OSBPL3: variants seen among roughly 807,000 people sequenced by gnomAD.
OSBPL3 encodes the protein oxysterol binding protein like 3.
Under a neutral mutation model 120.1 loss-of-function variants are expected in OSBPL3, and 65 were observed. That is an observed-to-expected ratio of 0.54 (90% CI 0.44 to 0.67). The LOEUF is 0.67. OSBPL3 is among the 30% of genes least tolerant of loss of function. OSBPL3 has a pLI of 0.00. For synonymous variants in OSBPL3, 416 were observed against 402.6 expected (o/e 1.03, Z -0.40); for missense variants, 1,004 against 1,082.1 (o/e 0.93, Z 1.01).
chr7:24,965,028 A>G lies in OSBPL3; in HGVS notation c.-150+14858T>C, dbSNP rs180880229. Among the ~76,000 whole-genome samples, 5 of 152,302 alleles carry G rather than the reference A, an allele frequency of 3.3e-5. No homozygotes were observed. The highest frequency in any genetic ancestry group is 1.9e-4 in the East Asian group (1 of 5,190). ...GCTTTTCTTATTATTTGTAATTGAG[A>G]CTACTGGGCCACTAAAGTGCATGAG... On this transcript the variant is annotated intron_variant, in intron 1 of 22. Transcript: ENST00000313367. This position sits in a 1 kb window ranked among gnomAD's most constrained non-coding sequence, Gnocchi z 4.3.
At chr7:24,870,982 G>A in intron 4 of OSBPL3, 137 bp from the exon 5 acceptor site, 1 of 659,342 alleles carries the variant, frequency 1.5e-6, no homozygotes. Context: ...GTGAGCCAGT[G>A]CTGAGTTACG....
Position 24,939,708 on chromosome 7 carries a change from CA to C in OSBPL3, c.-150+40177del, listed in dbSNP as rs1441753645. Among the ~76,000 whole-genome samples, 1 of 152,080 alleles carries C rather than the reference CA, an allele frequency of 6.6e-6. No homozygotes were observed. The highest frequency in any genetic ancestry group is 1.5e-5 in the Non-Finnish European group (1 of 68,034). On this transcript the variant is annotated intron_variant, in intron 1 of 22. Coordinates refer to ENST00000313367, the MANE Select transcript of OSBPL3 (RefSeq NM_015550.4). This position sits in a 1 kb window ranked among gnomAD's most constrained non-coding sequence, Gnocchi z 4.2. Reference sequence around the variant, plus strand: ...AAATCACCCTAATAGTCAACAGTATCAAACATTAACAGGCCAAAATGTCATC... The same window carrying C: ...AAATCACCCTAATAGTCAACAGTATCAACATTAACAGGCCAAAATGTCATC...
intron 7 of OSBPL3, among the ~76,000 whole-genome samples, chr7:24,864,223 T>C (rs778705080): frequency 6.6e-6 from 1 of 152,186 alleles, no homozygotes; most frequent in Non-Finnish European, 1.5e-5. Context: ...ACTCAAAAGA[T>C]AGTCCATATT....
intron 2 of OSBPL3, among the ~76,000 whole-genome samples, chr7:24,880,430 C>T (rs1017934934): frequency 6.6e-6 from 1 of 152,080 alleles, no homozygotes; most frequent in African/African-American, 2.4e-5. Flanking sequence ...CCTACTCTCT[C>T]CCCCAGCGGA....
At chr7:24,924,920 T>C (rs1562975537) in intron 1 of OSBPL3, among the ~76,000 whole-genome samples, 1 of 152,224 alleles carries the variant, frequency 6.6e-6, no homozygotes, top group Non-Finnish European at 1.5e-5. Flanking sequence ...GAGTCAACTA[T>C]ATATAGCTGT....
rs371177978 is a variant in OSBPL3 at position 24,965,409 on chromosome 7, G to T, written c.-150+14477C>A. 1.1e-4 allele frequency among the ~76,000 whole-genome samples: 17 copies of T among 152,174 alleles called. No homozygotes were observed. Among genetic ancestry groups the T allele is most frequent in the African/African-American group, 3.4e-4 (14 of 41,448 alleles). ...CTACCTCACAGGGTTATTTTGTTGT[G>T]AGAAGAAACATATATTAAAGTGATT... On this transcript the variant is annotated intron_variant, in intron 1 of 22. Coordinates refer to ENST00000313367, the MANE Select transcript of OSBPL3 (RefSeq NM_015550.4). The surrounding 1 kb of genome is among the most constrained non-coding windows in gnomAD (Gnocchi z 4.3).
chr7:24,971,228 C>G (rs573253114), intron 1 of OSBPL3, among the ~76,000 whole-genome samples: 3 of 152,364 alleles, frequency 2.0e-5, no homozygotes, highest in African/African-American at 7.2e-5. Context: ...GACTGTACCC[C>G]AGTTCTGCCA....
chr7:24,889,981 C>T (rs1318812620), intron 2 of OSBPL3, among the ~76,000 whole-genome samples: 1 of 152,086 alleles, frequency 6.6e-6, no homozygotes, highest in Non-Finnish European at 1.5e-5. Context: ...GCACTGGGGT[C>T]CTGGGAGGTA....
Position 24,871,963 on chromosome 7 carries a change from C to T in OSBPL3, c.203G>A (p.Gly68Asp), listed in dbSNP as rs1802181144. 4 of 1,612,232 alleles carry T rather than the reference C, an allele frequency of 2.5e-6. No homozygotes were observed. The highest frequency in any genetic ancestry group is 3.4e-6 in the Non-Finnish European group (4 of 1,178,664). The change falls in exon 3 of 23, where the codon GGC (glycine) becomes GAC (aspartate). Residue 68 changes from glycine (G) to aspartate (D), a missense_variant. This residue lies in a region of OSBPL3 where 255 missense variants were observed against 248.7 expected (regional missense o/e 1.03). Coordinates refer to ENST00000313367, the MANE Select transcript of OSBPL3 (RefSeq NM_015550.4). This position sits in a 1 kb window ranked among gnomAD's most constrained non-coding sequence, Gnocchi z 4.8. ...LLKKRKWPLK[G>D]WHKRFFYLDK... ...CAAGACCAACCTTACCTTATGCCAG[C>T]CTTTTAAGGGCCACTTCCTCTTTTT...
Position 24,804,917 on chromosome 7 carries a change from T to G in OSBPL3, c.2445-480A>C, listed in dbSNP as rs1015209821. On this transcript the variant is annotated intron_variant, in intron 21 of 22. Transcript: ENST00000313367. The surrounding 1 kb of genome is among the most constrained non-coding windows in gnomAD (Gnocchi z 5.4). Reference sequence around the variant, plus strand: ...TATCTTACAGATCTTTCCATGGATGTACATACATCTTCATTTTTTAATAGC... The same window carrying G: ...TATCTTACAGATCTTTCCATGGATGGACATACATCTTCATTTTTTAATAGC... 6.6e-6 allele frequency among the ~76,000 whole-genome samples: 1 copy of G among 152,234 alleles called. No individual in the cohort carries two copies. The highest frequency in any genetic ancestry group is 2.4e-5 in the African/African-American group (1 of 41,466).
At chr7:24,859,990 C>T (rs746479277) in intron 10 of OSBPL3, among the ~76,000 whole-genome samples, 1 of 152,062 alleles carries the variant, frequency 6.6e-6, no homozygotes, top group African/African-American at 2.4e-5. Flanking sequence ...ATACCCTATA[C>T]CCAGTTTCTC....
intron 1 of OSBPL3, among the ~76,000 whole-genome samples, chr7:24,973,386 C>T (rs1318473106): frequency 6.6e-6 from 1 of 152,162 alleles, no homozygotes; most frequent in Middle Eastern, 3.2e-3. Context: ...GAATCATATT[C>T]CACTCATACT....
chr7:24,937,653 T>C lies in OSBPL3; in HGVS notation c.-150+42233A>G, dbSNP rs1402419439. Among the ~76,000 whole-genome samples the C allele has an allele frequency of 6.6e-6, 1 of 152,182 alleles. No homozygotes were observed. Among genetic ancestry groups the C allele is most frequent in the South Asian group, 2.1e-4 (1 of 4,820 alleles). ...TGCCACACTTTTACATATCTGGAAA[T>C]AGAACTGGAGGTTTATGGTGCTATC... On this transcript the variant is annotated intron_variant, in intron 1 of 22. Transcript: ENST00000313367. The surrounding 1 kb of genome is among the most constrained non-coding windows in gnomAD (Gnocchi z 4.0).
At chr7:24,943,367 T>C (rs1813319756) in intron 1 of OSBPL3, among the ~76,000 whole-genome samples, 1 of 152,220 alleles carries the variant, frequency 6.6e-6, no homozygotes, top group Non-Finnish European at 1.5e-5. Flanking sequence ...CATATGTGCT[T>C]GTACCTTAAA....
intron 1 of OSBPL3, among the ~76,000 whole-genome samples, chr7:24,895,371 G>A (rs977057183): frequency 6.6e-6 from 1 of 152,174 alleles, no homozygotes; most frequent in Admixed American, 6.5e-5. Context: ...CAGGTTTGTA[G>A]CCTGGGAGCA....
intron 1 of OSBPL3, among the ~76,000 whole-genome samples, chr7:24,925,842 T>C (rs1217564923): frequency 6.6e-6 from 1 of 152,210 alleles, no homozygotes; most frequent in Non-Finnish European, 1.5e-5. Flanking sequence ...GCTTTATTTA[T>C]TTCACCCAGA....
In OSBPL3 at chr7:24,966,493, G is replaced by A. The variant is rs771026264; in HGVS notation, c.-150+13393C>T. ...AAGCTGGAATGTTATTTTGCCCCAC[G>A]CGATCAAAGACTAGAAAAACAGGAA... On this transcript the variant is annotated intron_variant, in intron 1 of 22. Coordinates refer to ENST00000313367, the MANE Select transcript of OSBPL3 (RefSeq NM_015550.4). This position sits in a 1 kb window ranked among gnomAD's most constrained non-coding sequence, Gnocchi z 4.8. Among the ~76,000 whole-genome samples the A allele has an allele frequency of 5.3e-5, 8 of 152,156 alleles. No individual in the cohort carries two copies. Among genetic ancestry groups the A allele is most frequent in the African/African-American group, 9.7e-5 (4 of 41,438 alleles).
At chr7:24,893,368 A>G (rs1484207107) in intron 1 of OSBPL3, among the ~76,000 whole-genome samples, 2 of 152,246 alleles carry the variant, frequency 1.3e-5, no homozygotes, top group Non-Finnish European at 2.9e-5. Context: ...CAAATAACCC[A>G]GACACAAAAA....
At chr7:24,816,230 G>T (rs1212025640) in intron 18 of OSBPL3, among the ~76,000 whole-genome samples, 1 of 152,058 alleles carries the variant, frequency 6.6e-6, no homozygotes, top group Non-Finnish European at 1.5e-5. Context: ...GTCTTGTCAT[G>T]TTGCCCATAC....
Sources: allele counts gnomAD v4.1 joint callset (sites outside exome capture counted in the v4.1 genomes callset), GRCh38; gene constraint gnomAD v4.1.1; regional missense constraint gnomAD v4.1.1; non-coding constraint Gnocchi (gnomAD v3.1); transcripts MANE v1.5; gene names NCBI Gene and HGNC (gene_info 2026-07-23, HGNC 2026-07-21).